Variants in DPYD observed in about 807,000 individuals in gnomAD.
DPYD encodes dihydropyrimidine dehydrogenase [NADP(+)].
A neutral mutation model predicts 116.2 loss-of-function variants in DPYD; 109 were observed. The ratio of observed to expected loss-of-function variants is 0.94; its 90% CI spans 0.80 to 1.10. DPYD has a LOEUF of 1.10. Among genes scored for constraint, DPYD ranks in the 50% least tolerant of loss-of-function variants. DPYD has a pLI of 0.00. For missense variants in DPYD, 1,302 were observed against 1,254.5 expected (o/e 1.04, Z -0.57); for synonymous variants, 440 against 432.0 (o/e 1.02, Z -0.23).
intron 8 of DPYD, among the ~76,000 whole-genome samples, chr1:97,620,965 A>G (rs573061272): frequency 6.6e-6 from 1 of 152,186 alleles, no homozygotes; most frequent in Non-Finnish European, 1.5e-5. Context: ...ATTCAAACTC[A>G]GCTATCTAAC....
Position 97,191,731 on chromosome 1 carries a change from T to C in DPYD, c.2622+1338A>G, listed in dbSNP as rs991621515. Among the ~76,000 whole-genome samples the C allele has an allele frequency of 6.6e-5, 10 of 152,294 alleles. No homozygotes were observed. In the East Asian group the frequency reaches 1.5e-3, roughly 24 times the overall value. On this transcript the variant is annotated intron_variant, in intron 20 of 22. Transcript: ENST00000370192. ...AAATTTGAGACAATGATTTTATAGA[T>C]GGTCATAAACTATCATGTCAGAGAC...
intron 10 of DPYD, among the ~76,000 whole-genome samples, chr1:97,577,821 TTTTTA>T (rs1436895472): frequency 3.9e-5 from 6 of 152,056 alleles, no homozygotes; most frequent in Middle Eastern, 6.3e-3. Flanking sequence ...TTTTTGTTAT[TTTTTA>T]TTTTATTTTA....
chr1:97,826,456 A>AT (rs1484057306), intron 3 of DPYD, among the ~76,000 whole-genome samples: 1 of 152,066 alleles, frequency 6.6e-6, no homozygotes, highest in Non-Finnish European at 1.5e-5. Context: ...TATTCAAAGC[A>AT]TAAGAGTTGC....
intron 13 of DPYD, among the ~76,000 whole-genome samples, chr1:97,501,699 A>G (rs2101932454): frequency 6.6e-6 from 1 of 152,180 alleles, no homozygotes; most frequent in South Asian, 2.1e-4. Flanking sequence ...CCCTGTCTCA[A>G]AAAAAGAAAT....
At chr1:97,365,313 T>G (rs1670969131) in intron 16 of DPYD, among the ~76,000 whole-genome samples, 1 of 152,350 alleles carries the variant, frequency 6.6e-6, no homozygotes, top group East Asian at 1.9e-4. Flanking sequence ...GCAATCTTGG[T>G]GTCCCACCTT....
Position 97,353,193 on chromosome 1 carries a change from C to T in DPYD, c.2058+20368G>A, listed in dbSNP as rs187552568. Among the ~76,000 whole-genome samples, 392 of 152,296 alleles carry T rather than the reference C, an allele frequency of 2.6e-3. 1 individual carries two copies. The highest frequency in any genetic ancestry group is 9.2e-3 in the African/African-American group (381 of 41,564). ...TTCCTCCAGTGCATTGTGTCACAGT[C>T]TCACAGAGCAGTGCATAATTTATTA... is the stretch of plus-strand genomic sequence containing the variant. On this transcript the variant is annotated intron_variant, in intron 16 of 22. Coordinates refer to ENST00000370192, the MANE Select transcript of DPYD (RefSeq NM_000110.4).
Position 97,487,501 on chromosome 1 carries a change from A to G in DPYD, c.1740+28225T>C, listed in dbSNP as rs182843807. On this transcript the variant is annotated intron_variant, in intron 13 of 22. Transcript: ENST00000370192. ...ATCCTGGCTAACACGGTGAAACCCC[A>G]TCTCTACTAAAAATACAAAAAATTA... Among the ~76,000 whole-genome samples the G allele has an allele frequency of 9.3e-3, 1,417 of 152,072 alleles. 37 individuals are homozygous for G. The highest frequency in any genetic ancestry group is 0.071 in the East Asian group (365 of 5,140).
chr1:97,253,731 A>C (rs1663261899), intron 18 of DPYD, among the ~76,000 whole-genome samples: 1 of 152,110 alleles, frequency 6.6e-6, no homozygotes. Flanking sequence ...GTATATAGGG[A>C]TTCTCTCCAC....
At chr1:97,314,649 G>A (rs925937828) in intron 16 of DPYD, among the ~76,000 whole-genome samples, 4 of 151,658 alleles carry the variant, frequency 2.6e-5, no homozygotes, top group South Asian at 4.2e-4. Flanking sequence ...CTCTCAAATG[G>A]CAGTGTTAAT....
chr1:97,595,439 CAT>C (rs1006786438), intron 8 of DPYD, among the ~76,000 whole-genome samples: 3 of 151,952 alleles, frequency 2.0e-5, no homozygotes, highest in Non-Finnish European at 2.9e-5. Flanking sequence ...CACACATAAA[CAT>C]ATATAACATT....
chr1:97,579,853 T>C (rs571772408), intron 10 of DPYD, among the ~76,000 whole-genome samples: 2 of 152,358 alleles, frequency 1.3e-5, no homozygotes, highest in East Asian at 3.9e-4. Flanking sequence ...GTTGTCACTT[T>C]CTTTTTACAC....
At chr1:97,472,456 C>G (rs1570790679) in intron 13 of DPYD, among the ~76,000 whole-genome samples, 1 of 152,232 alleles carries the variant, frequency 6.6e-6, no homozygotes, top group African/African-American at 2.4e-5. Flanking sequence ...AGTACACTTT[C>G]TTCCTTAGGC....
chr1:97,253,328 T>C (rs1000211861), intron 18 of DPYD, among the ~76,000 whole-genome samples: 1 of 152,218 alleles, frequency 6.6e-6, no homozygotes, highest in East Asian at 1.9e-4. Context: ...ATTTGTATTC[T>C]TTCTGGAGCA....
intron 20 of DPYD, among the ~76,000 whole-genome samples, chr1:97,147,349 A>AAAACAAAC (rs370474663): frequency 1.3e-5 from 2 of 151,532 alleles, no homozygotes; most frequent in South Asian, 2.1e-4. Context: ...TCTGTCTCAA[A>AAAACAAAC]AAACAAACAA....
chr1:97,814,915 A>AG, intron 3 of DPYD, among the ~76,000 whole-genome samples: 1 of 37,878 alleles, frequency 2.6e-5, no homozygotes, highest in Non-Finnish European at 6.2e-5. Flanking sequence ...AAAAAAAAAA[A>AG]AAAAAAGAAA....
Position 97,234,898 on chromosome 1 carries a change from G to A in DPYD, c.2396C>T (p.Ala799Val). 1 of 1,613,990 alleles carries A rather than the reference G, an allele frequency of 6.2e-7. No individual in the cohort carries two copies. The highest frequency in any genetic ancestry group is 8.5e-7 in the Non-Finnish European group (1 of 1,179,958). Residue 799 changes from alanine to valine, a missense_variant, in exon 19 of 23, where the codon GCT (alanine) becomes GTT (valine). Coordinates refer to ENST00000370192, the MANE Select transcript of DPYD (RefSeq NM_000110.4). ...ATGGAGAAACTGAAGACCACTTTCA[G>A]CAGAGTCAATTCCACCAGTAGCCAA... Reference protein sequence around the residue: ...PILATGGIDSAESGLQFLHSG... With the variant: ...PILATGGIDSVESGLQFLHSG...
Position 97,296,762 on chromosome 1 carries a change from T to C in DPYD, c.2299+8497A>G, listed in dbSNP as rs1003333666. Among the ~76,000 whole-genome samples, 3 of 152,070 alleles carry C rather than the reference T, an allele frequency of 2.0e-5. No homozygotes were observed. In the East Asian group the frequency reaches 5.8e-4, roughly 29 times the overall value. Reference sequence around the variant, plus strand: ...AGATGTTCAAATTTTAAAAAAAACATAAAAATAGGATAAAATTTGATGGAG... The same window carrying C: ...AGATGTTCAAATTTTAAAAAAAACACAAAAATAGGATAAAATTTGATGGAG... On this transcript the variant is annotated intron_variant, in intron 18 of 22. Transcript: ENST00000370192.
intron 2 of DPYD, among the ~76,000 whole-genome samples, chr1:97,845,539 C>T (rs1571457627): frequency 6.6e-6 from 1 of 152,198 alleles, no homozygotes; most frequent in East Asian, 1.9e-4. Context: ...ACTGTTCTGT[C>T]ACACAGTGAA....
chr1:97,556,420 A>C (rs1651718008), intron 11 of DPYD, among the ~76,000 whole-genome samples: 1 of 149,172 alleles, frequency 6.7e-6, no homozygotes, highest in African/African-American at 2.5e-5. Flanking sequence ...TTAGTTACAT[A>C]TGTATACATG....
Sources: gnomAD v4.1 joint callset for allele counts (sites outside exome capture counted in the v4.1 genomes callset) on GRCh38, gnomAD v4.1.1 for gene constraint, MANE v1.5 for transcripts, NCBI Gene and HGNC (gene_info 2026-07-23, HGNC 2026-07-21) for gene names.